The following OSBPL8 variants were observed in gnomAD, a reference collection of about 807,000 sequenced individuals.
OSBPL8 encodes the protein oxysterol-binding protein-related protein 8.
OSBPL8 carries 59 observed loss-of-function variants against 125.5 expected under a neutral mutation model. That is an observed-to-expected ratio of 0.47 (90% CI 0.38 to 0.58). The LOEUF (loss-of-function observed/expected upper bound fraction) is 0.58, where lower values mean the gene tolerates loss of function less well. Among genes scored for constraint, OSBPL8 ranks in the 20% least tolerant of loss-of-function variants. OSBPL8 has a pLI of 0.00. For synonymous variants in OSBPL8, 330 were observed against 338.9 expected (o/e 0.97, Z 0.29); for missense variants, 758 against 1,047.8 (o/e 0.72, Z 3.82).
intron 1 of OSBPL8, chr12:76,537,818 A>T (rs1019246123): frequency 2.6e-5 from 4 of 152,298 alleles, no homozygotes; most frequent in African/African-American, 9.7e-5. Context: ...CTGAGGCATG[A>T]GAATCACTTG....
chr12:76,426,552 G>A (rs1158545288), intron 4 of OSBPL8, among the ~76,000 whole-genome samples: 1 of 152,106 alleles, frequency 6.6e-6, no homozygotes, highest in African/African-American at 2.4e-5. Flanking sequence ...GCATGTAAAG[G>A]GGAAGAGATA....
chr12:76,532,379 T>C (rs1019218009), intron 1 of OSBPL8, among the ~76,000 whole-genome samples: 3 of 152,202 alleles, frequency 2.0e-5, no homozygotes, highest in African/African-American at 7.2e-5. Flanking sequence ...TTTCACTTTA[T>C]TATTTGTTAA....
At chr12:76,436,318 T>G (rs999396167) in intron 4 of OSBPL8, among the ~76,000 whole-genome samples, 1 of 152,166 alleles carries the variant, frequency 6.6e-6, no homozygotes, top group Non-Finnish European at 1.5e-5. Context: ...GTTGTAACCA[T>G]GTTCCAAACT....
intron 12 of OSBPL8, among the ~76,000 whole-genome samples, chr12:76,388,876 T>C (rs1488939612): frequency 1.3e-5 from 2 of 152,202 alleles, no homozygotes; most frequent in Admixed American, 6.5e-5. Flanking sequence ...TGTTCGCTCA[T>C]GCCATTTATA....
At chr12:76,557,560 A>C (rs1951143287) in intron 1 of OSBPL8, among the ~76,000 whole-genome samples, 2 of 150,658 alleles carry the variant, frequency 1.3e-5, no homozygotes, top group African/African-American at 4.9e-5. Flanking sequence ...AGCTGCAGTG[A>C]GCCAAGTTGC....
chr12:76,386,300 CAAA>C (rs775768523), intron 13 of OSBPL8, 34 bp from the exon 14 acceptor site: 1 of 1,563,474 alleles, frequency 6.4e-7, no homozygotes, highest in African/African-American at 1.4e-5. Flanking sequence ...TTTCAAATTA[CAAA>C]TACAAAGGAT....
At chr12:76,404,961 G>C (rs1053460182) in intron 5 of OSBPL8, among the ~76,000 whole-genome samples, 1 of 152,116 alleles carries the variant, frequency 6.6e-6, no homozygotes, top group Non-Finnish European at 1.5e-5. Flanking sequence ...GATAGTAGTT[G>C]TATCCCTCTT....
chr12:76,392,153 T>A (rs1346232222), intron 10 of OSBPL8, among the ~76,000 whole-genome samples: 1 of 152,062 alleles, frequency 6.6e-6, no homozygotes, highest in African/African-American at 2.4e-5. Context: ...TAGAGTTAAG[T>A]CCAGTGCCAT....
At chr12:76,536,913 A>G (rs938946700) in intron 1 of OSBPL8, 2 of 152,344 alleles carry the variant, frequency 1.3e-5, no homozygotes, top group Admixed American at 1.3e-4. Context: ...CATCCAGTGG[A>G]TGCTATGATA....
intron 2 of OSBPL8, among the ~76,000 whole-genome samples, chr12:76,464,992 T>G (rs1336906851): frequency 6.6e-6 from 1 of 152,194 alleles, no homozygotes; most frequent in Non-Finnish European, 1.5e-5. Flanking sequence ...AGCTGAGAAC[T>G]GTCTGTTCTT....
chr12:76,471,346 C>T (rs1876114149), intron 2 of OSBPL8, among the ~76,000 whole-genome samples: 1 of 152,140 alleles, frequency 6.6e-6, no homozygotes, highest in Admixed American at 6.5e-5. Context: ...TATATTTTCT[C>T]CCTTAAGGAA....
chr12:76,431,433 A>C (rs1870811643), intron 4 of OSBPL8, among the ~76,000 whole-genome samples: 1 of 152,184 alleles, frequency 6.6e-6, no homozygotes, highest in African/African-American at 2.4e-5. Flanking sequence ...ATTATTTTAA[A>C]GTTAAATGGA....
At chr12:76,406,441 C>T (rs1954265043) in intron 5 of OSBPL8, among the ~76,000 whole-genome samples, 1 of 152,172 alleles carries the variant, frequency 6.6e-6, no homozygotes, top group Non-Finnish European at 1.5e-5. Context: ...ATCCTTTTAA[C>T]AGAATTCCTT....
At chr12:76,415,753 G>A (rs1328023209) in intron 4 of OSBPL8, among the ~76,000 whole-genome samples, 1 of 151,730 alleles carries the variant, frequency 6.6e-6, no homozygotes, top group African/African-American at 2.4e-5. Flanking sequence ...TTTGATACTG[G>A]CTAATTGTAT....
intron 2 of OSBPL8, among the ~76,000 whole-genome samples, chr12:76,473,795 T>A (rs555705903): frequency 2.6e-5 from 4 of 152,160 alleles, no homozygotes; most frequent in Admixed American, 2.6e-4. Flanking sequence ...AGACGCAATA[T>A]AGGAAAGTGA....
chr12:76,375,011 A>G (rs1006009226), intron 17 of OSBPL8, among the ~76,000 whole-genome samples: 1 of 152,178 alleles, frequency 6.6e-6, no homozygotes, highest in African/African-American at 2.4e-5. Context: ...TCTTCTATAT[A>G]ATACCCACAG....
At chr12:76,415,316 C>A (rs1035459357) in intron 4 of OSBPL8, among the ~76,000 whole-genome samples, 2 of 150,708 alleles carry the variant, frequency 1.3e-5, no homozygotes. Context: ...GGCACGATCT[C>A]GGCTCACTGC....
intron 1 of OSBPL8, among the ~76,000 whole-genome samples, chr12:76,555,540 A>T (rs1456821838): frequency 5.9e-5 from 9 of 152,202 alleles, no homozygotes; most frequent in Non-Finnish European, 1.3e-4. Flanking sequence ...CAAACGTTTT[A>T]ATAATTTTGT....
intron 4 of OSBPL8, among the ~76,000 whole-genome samples, chr12:76,432,587 TAAGAAA>T (rs1870976168): frequency 6.6e-6 from 1 of 150,952 alleles, no homozygotes; most frequent in Admixed American, 6.6e-5. Context: ...TCTTAAAAAA[TAAGAAA>T]AAGAAAGAAA....
Sources: gnomAD v4.1 joint callset for allele counts (sites outside exome capture counted in the v4.1 genomes callset) on GRCh38, gnomAD v4.1.1 for gene constraint, MANE v1.5 for transcripts, NCBI Gene and HGNC (gene_info 2026-07-23, HGNC 2026-07-21) for gene names.